SLC16A14: variants seen among roughly 807,000 people sequenced by gnomAD.
SLC16A14 encodes the protein solute carrier family 16 member 14.
Under a neutral mutation model 35.8 loss-of-function variants are expected in SLC16A14, and 14 were observed. That is an observed-to-expected ratio of 0.39 (90% CI 0.26 to 0.61). The LOEUF (loss-of-function observed/expected upper bound fraction) is 0.61. Ranked by LOEUF, SLC16A14 falls within the 20% of genes least tolerant of loss-of-function variation. The pLI is 0.51. For missense variants in SLC16A14, 533 were observed against 655.0 expected, an observed-to-expected ratio of 0.81 and a Z score of 2.03; for synonymous variants, 248 against 258.9, an observed-to-expected ratio of 0.96 and a Z score of 0.40.
rs1406032288 is a variant in SLC16A14, at chr2:230,037,456, A to C, written c.1457T>G (p.Leu486Arg). ...ICGLLYMIGILFLLIQPCIRI... is the reference protein window; with the variant it reads ...ICGLLYMIGIRFLLIQPCIRI... ...AATGCACGGCTGAATAAGTAAAAAG[A>C]GTATTCCTATCATGTAAAGCAAACC... Residue 486 changes from leucine (L) to arginine (R), a missense_variant, in exon 5 of 5, where the codon CTC becomes CGC. Transcript: ENST00000295190. 1 of 1,613,140 alleles carries C rather than the reference A, an allele frequency of 6.2e-7. No individual in the cohort carries two copies.
At chr2:230,044,830 C>T (rs1048420539) in intron 4 of SLC16A14, among the ~76,000 whole-genome samples, 2 of 151,596 alleles carry the variant, frequency 1.3e-5, no homozygotes, top group East Asian at 3.9e-4. Context: ...CCTCCTGCCT[C>T]GGCCTCCCAA....
intron 1 of SLC16A14, among the ~76,000 whole-genome samples, chr2:230,067,571 T>TCTCTCTCTCTCTCTCA (rs1269765776): frequency 2.3e-4 from 33 of 143,808 alleles, no homozygotes; most frequent in African/African-American, 8.9e-4. Flanking sequence ...TCTCTCTCTC[T>TCTCTCTCTCTCTCTCA]CACACACACA....
intron 3 of SLC16A14, among the ~76,000 whole-genome samples, chr2:230,047,494 G>A (rs191003597): frequency 7.2e-5 from 11 of 151,980 alleles, no homozygotes; most frequent in African/African-American, 1.9e-4. Flanking sequence ...TTGTAGACAC[G>A]TGGTTTCACC....
chr2:230,039,501 C>G (rs2077543136), intron 4 of SLC16A14, among the ~76,000 whole-genome samples: 1 of 152,042 alleles, frequency 6.6e-6, no homozygotes, highest in African/African-American at 2.4e-5. Flanking sequence ...AAAAACACAC[C>G]CAACTTCTAC....
In SLC16A14 at chr2:230,037,494, G is replaced by A. The variant is rs763751409; in HGVS notation, c.1419C>T (p.Ser473=). The A allele has an allele frequency of 6.2e-7, 1 of 1,609,614 alleles. No homozygotes were observed. The highest frequency in any genetic ancestry group is 1.1e-5 in the South Asian group (1 of 89,972). The change falls in exon 5 of 5, where the codon TCC becomes TCT. Residue 473 remains serine (S), a synonymous_variant. Coordinates refer to ENST00000295190, the MANE Select transcript of SLC16A14 (RefSeq NM_152527.5). ...TGTAAAGCAAACCACATATGTAGAA[G>A]GAAAAATCATATTTTTGCGTGATGT... The part of the protein sequence containing the change: ...IYDITQKYDF[S]FYICGLLYMI...
rs150489031 is a variant in SLC16A14, at chr2:230,037,424, T to C, written c.1489A>G (p.Ile497Val). ...ATGTATTTTCTTCTGGATTGTTCTATAATTCGAATGCACGGCTGAATAAGT... is the reference window on the plus strand; with the variant it reads ...ATGTATTTTCTTCTGGATTGTTCTACAATTCGAATGCACGGCTGAATAAGT... ...FLLIQPCIRI[I>V]EQSRRKYMDG... Residue 497 changes from isoleucine (I) to valine (V), a missense_variant, in exon 5 of 5, where the codon ATA becomes GTA. By Grantham distance (29) the Ile-to-Val change is conservative. Coordinates refer to ENST00000295190, the MANE Select transcript of SLC16A14 (RefSeq NM_152527.5). The C allele has an allele frequency of 1.7e-4, 267 of 1,613,008 alleles. No individual in the cohort carries two copies. In the East Asian group the frequency reaches 3.9e-3, roughly 23 times the overall value.
In SLC16A14 at chr2:230,046,928, G is replaced by T. The variant is rs1300216555; in HGVS notation, c.404-206C>A. On this transcript the variant is annotated intron_variant, in intron 3 of 4. Coordinates refer to ENST00000295190, the MANE Select transcript of SLC16A14 (RefSeq NM_152527.5). The surrounding 1 kb of genome is among the most constrained non-coding windows in gnomAD (Gnocchi z 5.0). ...ATCCACCCAAGCAGGTTTCTAGCCC[G>T]CCATTTTCCCCAACAGGCTTTGCTG... is the stretch of plus-strand genomic sequence containing the variant. 6.6e-6 allele frequency among the ~76,000 whole-genome samples: 1 copy of T among 152,202 alleles called. No homozygotes were observed. Among genetic ancestry groups the T allele is most frequent in the Non-Finnish European group, 1.5e-5 (1 of 68,026 alleles).
chr2:230,054,088 G>GT (rs1207455686), intron 2 of SLC16A14, among the ~76,000 whole-genome samples: 4 of 146,364 alleles, frequency 2.7e-5, no homozygotes, highest in Non-Finnish European at 5.9e-5. Flanking sequence ...GCCTGAGGTG[G>GT]GGGGGGAAGT....
Position 230,059,282 on chromosome 2 carries a change from G to A in SLC16A14, c.71C>T (p.Pro24Leu), listed in dbSNP as rs908944677. Reference sequence around the variant, plus strand: ...CCATCCGCCATCAATGTTTGGGTGGGGCTTCAGTGTCTTTTTGTCTTTGGG... The same window carrying A: ...CCATCCGCCATCAATGTTTGGGTGGAGCTTCAGTGTCTTTTTGTCTTTGGG... Reference protein sequence around the residue: ...DGPKDKKTLKPHPNIDGGWAW... With the variant: ...DGPKDKKTLKLHPNIDGGWAW... The change falls in exon 2 of 5, where the codon CCC becomes CTC. Residue 24 changes from proline to leucine, a missense_variant. By Grantham distance (98) the Pro-to-Leu change is moderately conservative (BLOSUM62 -3). Transcript: ENST00000295190. The A allele has an allele frequency of 6.2e-7, 1 of 1,613,484 alleles. No homozygotes were observed. The highest frequency in any genetic ancestry group is 8.5e-7 in the Non-Finnish European group (1 of 1,179,578).
rs1211019932 is a variant in SLC16A14, at chr2:230,035,546, G to T, written c.*1834C>A. The T allele has an allele frequency of 6.6e-6, 1 of 152,530 alleles. No homozygotes were observed. The highest frequency in any genetic ancestry group is 1.5e-5 in the Non-Finnish European group (1 of 68,026). The allele number at this position is 152,530 out of a possible 1,614,324, so 9.4% of individuals were successfully genotyped here. A position where few individuals can be genotyped will look rare whatever the true frequency, so the allele number is the denominator to read the frequency against. On this transcript the variant is annotated 3_prime_UTR_variant, in exon 5 of 5. Coordinates refer to ENST00000295190, the MANE Select transcript of SLC16A14 (RefSeq NM_152527.5). ...ATTACACAGAGAGAGATAGAGGAGGGAGCATTGCCTCAGCTTTAAGATTAT... is the reference window on the plus strand; with the variant it reads ...ATTACACAGAGAGAGATAGAGGAGGTAGCATTGCCTCAGCTTTAAGATTAT...
At chr2:230,052,081 C>A (rs192241818) in intron 2 of SLC16A14, among the ~76,000 whole-genome samples, 49 of 151,952 alleles carry the variant, frequency 3.2e-4, no homozygotes, top group Non-Finnish European at 4.9e-4. Context: ...GGACTACAGG[C>A]GCACGCCACC....
chr2:230,064,010 T>C (rs904296107), intron 1 of SLC16A14, among the ~76,000 whole-genome samples: 13 of 151,928 alleles, frequency 8.6e-5, no homozygotes, highest in Admixed American at 2.0e-4. Context: ...GGTGGGAGAA[T>C]TGCTTGAGCC....
At chr2:230,062,036 C>T (rs751370373) in intron 1 of SLC16A14, among the ~76,000 whole-genome samples, 12 of 151,978 alleles carry the variant, frequency 7.9e-5, no homozygotes, top group Non-Finnish European at 1.6e-4. Flanking sequence ...GCACTCTGCC[C>T]GGCTCACTAT....
chr2:230,065,906 G>A (rs1189453647), intron 1 of SLC16A14, among the ~76,000 whole-genome samples: 2 of 152,076 alleles, frequency 1.3e-5, no homozygotes. Flanking sequence ...CCACCATAGG[G>A]CCTTCAAGCT....
chr2:230,049,984 A>G, intron 2 of SLC16A14, 80 bp from the exon 3 acceptor site: 1 of 1,531,834 alleles, frequency 6.5e-7, no homozygotes, highest in Non-Finnish European at 8.9e-7. Flanking sequence ...TGTGAAGACA[A>G]AGAATAAAAT....
Position 230,046,902 on chromosome 2 carries a change from CA to C in SLC16A14, c.404-181del, listed in dbSNP as rs1019039046. ...TCCCAGGGATAAGCAGCAGAAAGACCATCCACCCAAGCAGGTTTCTAGCCCG... is the reference window on the plus strand; with the variant it reads ...TCCCAGGGATAAGCAGCAGAAAGACCTCCACCCAAGCAGGTTTCTAGCCCG... On this transcript the variant is annotated intron_variant, in intron 3 of 4. Transcript: ENST00000295190. The surrounding 1 kb of genome is among the most constrained non-coding windows in gnomAD (Gnocchi z 5.0). Among the ~76,000 whole-genome samples the C allele has an allele frequency of 3.9e-5, 6 of 152,302 alleles. No homozygotes were observed. In the South Asian group the frequency reaches 8.3e-4, roughly 21 times the overall value.
At chr2:230,047,361 G>C (rs2077618083) in intron 3 of SLC16A14, among the ~76,000 whole-genome samples, 1 of 143,398 alleles carries the variant, frequency 7.0e-6, no homozygotes, top group African/African-American at 2.6e-5. Context: ...GCCCAGGCTG[G>C]AATGCAATGG....
intron 4 of SLC16A14, among the ~76,000 whole-genome samples, chr2:230,044,034 C>T (rs2077580835): frequency 6.6e-6 from 1 of 152,214 alleles, no homozygotes; most frequent in Non-Finnish European, 1.5e-5. Flanking sequence ...CCCCAAAACA[C>T]CGAAGTCCTA....
intron 2 of SLC16A14, among the ~76,000 whole-genome samples, chr2:230,056,252 G>GTTTTTTTTTTTT (rs5839355): frequency 9.1e-6 from 1 of 110,022 alleles, no homozygotes; most frequent in Non-Finnish European, 1.8e-5. Flanking sequence ...TAATATTGGT[G>GTTTTTTTTTTTT]TTTTTTTTTT....
Sources: gnomAD v4.1 joint callset for allele counts (sites outside exome capture counted in the v4.1 genomes callset) on GRCh38, gnomAD v4.1.1 for gene constraint, Gnocchi (gnomAD v3.1) non-coding constraint, MANE v1.5 for transcripts, NCBI Gene and HGNC (gene_info 2026-07-23, HGNC 2026-07-21) for gene names.